The following SRD5A2 variants were observed in gnomAD, a reference collection of about 807,000 sequenced individuals.
SRD5A2 encodes the protein steroid 5 alpha-reductase 2.
Under a neutral mutation model 27.4 loss-of-function variants are expected in SRD5A2, and 30 were observed. The ratio of observed to expected loss-of-function variants is 1.10; its 90% CI spans 0.82 to 1.49. The LOEUF (loss-of-function observed/expected upper bound fraction) is 1.49. Among genes scored for constraint, SRD5A2 ranks in the 40% most tolerant of loss-of-function variants. The probability of loss-of-function intolerance (pLI) is 0.00; values close to 1 mark genes in which losing one functional copy is unlikely to be tolerated. For missense variants in SRD5A2, 348 were observed against 323.4 expected (o/e 1.08, Z -0.58); for synonymous variants, 141 against 133.6 (o/e 1.06, Z -0.38).
rs949092023 is a variant in SRD5A2, at chr2:31,534,674, T to A, written c.282-908A>T. Among the ~76,000 whole-genome samples the A allele has an allele frequency of 2.2e-4, 34 of 152,044 alleles. 1 individual carries two copies. The highest frequency in any genetic ancestry group is 7.5e-4 in the African/African-American group (31 of 41,420). Reference sequence around the variant, plus strand: ...TGCTCATGCTAGACAACCACACACATCTCCAGAGCATTCATCTGATCTTTT... The same window carrying A: ...TGCTCATGCTAGACAACCACACACAACTCCAGAGCATTCATCTGATCTTTT... On this transcript the variant is annotated intron_variant, in intron 1 of 4. Coordinates refer to ENST00000622030, the MANE Select transcript of SRD5A2 (RefSeq NM_000348.4).
intron 1 of SRD5A2, among the ~76,000 whole-genome samples, chr2:31,554,545 A>G (rs185469989): frequency 1.1e-4 from 16 of 152,330 alleles, no homozygotes; most frequent in Non-Finnish European, 1.9e-4. Context: ...GAAGAATCCT[A>G]AAACAAATGT....
the SRD5A2 span, among the ~76,000 whole-genome samples, chr2:31,602,569 T>A: frequency 1.3e-5 from 2 of 151,952 alleles, no homozygotes; most frequent in South Asian, 4.1e-4. Context: ...TAAAAATTCA[T>A]ATGGAACCAA....
At chr2:31,624,531 G>GTACCCAGA in the SRD5A2 span, among the ~76,000 whole-genome samples, 1 of 150,378 alleles carries the variant, frequency 6.6e-6, no homozygotes, top group East Asian at 2.0e-4. Flanking sequence ...ACCCCACACA[G>GTACCCAGA]GCTCTGTGAT....
chr2:31,587,473 T>C, the SRD5A2 span, among the ~76,000 whole-genome samples: 1 of 152,288 alleles, frequency 6.6e-6, no homozygotes, highest in East Asian at 1.9e-4. Flanking sequence ...GGCAGCACTA[T>C]TTACAATAGC....
At chr2:31,591,794 G>C in the SRD5A2 span, among the ~76,000 whole-genome samples, 1 of 70,314 alleles carries the variant, frequency 1.4e-5, no homozygotes, top group African/African-American at 6.0e-5. Flanking sequence ...GTNAGGNCAT[G>C]GATGAAGCTG....
rs753822969 is a variant in SRD5A2, at chr2:31,526,178, C to G, written c.*18G>C. On this transcript the variant is annotated 3_prime_UTR_variant, in exon 5 of 5. Transcript: ENST00000622030. ...CATCAGCATTGTGGGAGCTCTGCTC[C>G]TTTTTAATTTGGTTCCTTTAAAAGA... The G allele has an allele frequency of 1.3e-6, 2 of 1,539,694 alleles. No individual in the cohort carries two copies. The highest frequency in any genetic ancestry group is 1.8e-6 in the Non-Finnish European group (2 of 1,129,430).
chr2:31,662,151 A>AT, the SRD5A2 span, among the ~76,000 whole-genome samples: 1 of 151,948 alleles, frequency 6.6e-6, no homozygotes, highest in Admixed American at 6.6e-5. Flanking sequence ...CTATAAACTG[A>AT]TTTTTCTCTT....
intron 1 of SRD5A2, chr2:31,563,213 T>C (rs1666662221): frequency 6.6e-6 from 1 of 151,908 alleles, no homozygotes; most frequent in Non-Finnish European, 1.5e-5. Flanking sequence ...GATGGAAAGT[T>C]TGGGGAAAAA....
chr2:31,583,638 AGC>A (rs138287024), upstream of SRD5A2, among the ~76,000 whole-genome samples: 80 of 22,244 alleles, frequency 3.6e-3, 2 homozygotes, highest in Middle Eastern at 0.024. Flanking sequence ...ACAAAAAAAA[AGC>A]AAAAAAAAAA....
upstream of SRD5A2, among the ~76,000 whole-genome samples, chr2:31,583,117 A>C (rs1667109113): frequency 6.6e-6 from 1 of 152,318 alleles, no homozygotes; most frequent in African/African-American, 2.4e-5. Context: ...GACTTATCTT[A>C]ACAATATTCA....
chr2:31,652,870 ACT>A, the SRD5A2 span, among the ~76,000 whole-genome samples: 7 of 152,010 alleles, frequency 4.6e-5, no homozygotes, highest in African/African-American at 1.7e-4. Flanking sequence ...TCAAACCCAG[ACT>A]CTGTCCTTTG....
Position 31,574,283 on chromosome 2 carries a change from C to A in SRD5A2, c.281+6337G>T, listed in dbSNP as rs549787725. Among the ~76,000 whole-genome samples the A allele has an allele frequency of 8.7e-4, 133 of 152,312 alleles. 1 individual carries two copies. Among genetic ancestry groups the A allele is most frequent in the African/African-American group, 2.9e-3 (122 of 41,572 alleles). ...TTGTACTCCTATGACTCCCATGAGACCTAGCATAGTTCTGAGCCTATAGAA... is the reference window on the plus strand; with the variant it reads ...TTGTACTCCTATGACTCCCATGAGAACTAGCATAGTTCTGAGCCTATAGAA... On this transcript the variant is annotated intron_variant, in intron 1 of 4. Transcript: ENST00000622030.
At chr2:31,544,550 A>G (rs1666204503) in intron 1 of SRD5A2, among the ~76,000 whole-genome samples, 1 of 151,948 alleles carries the variant, frequency 6.6e-6, no homozygotes, top group Admixed American at 6.5e-5. Flanking sequence ...AGGATGCAGC[A>G]AAAGTAGTGT....
intron 3 of SRD5A2, among the ~76,000 whole-genome samples, chr2:31,530,321 T>G (rs1481780957): frequency 6.6e-6 from 1 of 152,220 alleles, no homozygotes; most frequent in Non-Finnish European, 1.5e-5. Context: ...TTTATTTATC[T>G]AGTTATGGAG....
the SRD5A2 span, among the ~76,000 whole-genome samples, chr2:31,657,983 G>A: frequency 6.6e-6 from 1 of 152,056 alleles, no homozygotes; most frequent in Non-Finnish European, 1.5e-5. Flanking sequence ...ACCGAACACA[G>A]GCTGGAAACA....
chr2:31,629,300 G>A, the SRD5A2 span, among the ~76,000 whole-genome samples: 4 of 152,168 alleles, frequency 2.6e-5, no homozygotes, highest in African/African-American at 9.6e-5. Flanking sequence ...CCAGGTCAGA[G>A]AACAAGAGGC....
chr2:31,649,191 C>T, the SRD5A2 span, among the ~76,000 whole-genome samples: 39 of 152,304 alleles, frequency 2.6e-4, no homozygotes, highest in African/African-American at 9.1e-4. Flanking sequence ...GCTAGCTATT[C>T]CATTTCCTTT....
the SRD5A2 span, among the ~76,000 whole-genome samples, chr2:31,627,150 G>T: frequency 5.9e-5 from 9 of 152,104 alleles, no homozygotes; most frequent in African/African-American, 2.2e-4. Context: ...TTGCATATAA[G>T]TATTTATAGT....
chr2:31,587,869 A>C, the SRD5A2 span, among the ~76,000 whole-genome samples: 1 of 152,172 alleles, frequency 6.6e-6, no homozygotes, highest in Non-Finnish European at 1.5e-5. Flanking sequence ...CCTATGTAAC[A>C]AACCTGTATG....
Sources: allele counts gnomAD v4.1 joint callset (sites outside exome capture counted in the v4.1 genomes callset), GRCh38; gene constraint gnomAD v4.1.1; transcripts MANE v1.5; gene names NCBI Gene and HGNC (gene_info 2026-07-23, HGNC 2026-07-21).